Variants in RAD51B observed in about 807,000 individuals in gnomAD.
RAD51B encodes RAD51 paralog B, also known as DNA repair protein RAD51 homolog 2.
RAD51B carries 38 observed loss-of-function variants against 42.2 expected under a neutral mutation model. That is an observed-to-expected ratio of 0.90 (90% CI 0.70 to 1.18). The LOEUF is 1.18. Among genes scored for constraint, RAD51B ranks in the 50% most tolerant of loss-of-function variants. The pLI is 0.00. For synonymous variants in RAD51B, 154 were observed against 145.2 expected (o/e 1.06, Z -0.43); for missense variants, 373 against 400.7 (o/e 0.93, Z 0.59).
At chr14:67,898,350 C>T (rs779344904) in intron 7 of RAD51B, among the ~76,000 whole-genome samples, 3 of 152,150 alleles carry the variant, frequency 2.0e-5, no homozygotes, top group Non-Finnish European at 4.4e-5. Flanking sequence ...AATACATGAT[C>T]CCACTTTTAC....
chr14:68,361,244 T>C (rs1189252962), intron 8 of RAD51B, among the ~76,000 whole-genome samples: 1 of 152,212 alleles, frequency 6.6e-6, no homozygotes, highest in Non-Finnish European at 1.5e-5. Context: ...TTTGGGATAC[T>C]GTTTTCTGCG....
rs574693356 is a variant in RAD51B, at chr14:68,388,276, T to C, written c.854-23148T>C. On this transcript the variant is annotated intron_variant, in intron 8 of 10. Coordinates refer to ENST00000471583, the MANE Select transcript of RAD51B (RefSeq NM_133510.4). ...GCCCAGCTAATTTTTGTATTTTTACTACAGACGGGGTTTCTTTTGCTGTGT... is the reference window on the plus strand; with the variant it reads ...GCCCAGCTAATTTTTGTATTTTTACCACAGACGGGGTTTCTTTTGCTGTGT... Among the ~76,000 whole-genome samples the C allele has an allele frequency of 2.9e-3, 443 of 152,068 alleles. 2 individuals carry two copies. The highest frequency in any genetic ancestry group is 0.01 in the African/African-American group (416 of 41,454).
rs935001648 is a variant in RAD51B, at chr14:68,294,435, A to G, written c.853+2455A>G. 5.4e-4 allele frequency among the ~76,000 whole-genome samples: 83 copies of G among 152,334 alleles called. 1 individual carries two copies. The highest frequency in any genetic ancestry group is 2.8e-4 in the Non-Finnish European group (19 of 68,020). ...TAGCCATTCAAATATATTACAATGG[A>G]TGTTAAGTTCCTGTGATTTACACAC... On this transcript the variant is annotated intron_variant, in intron 8 of 10. Coordinates refer to ENST00000471583, the MANE Select transcript of RAD51B (RefSeq NM_133510.4).
chr14:68,507,577 A>G (rs1042166452), intron 10 of RAD51B, among the ~76,000 whole-genome samples: 2 of 152,178 alleles, frequency 1.3e-5, no homozygotes, highest in African/African-American at 4.8e-5. Flanking sequence ...TATGAGAAGA[A>G]ACTGCACTCT....
intron 10 of RAD51B, among the ~76,000 whole-genome samples, chr14:68,580,539 C>T (rs1473976020): frequency 6.6e-5 from 10 of 152,160 alleles, no homozygotes; most frequent in Admixed American, 6.5e-4. Context: ...GTGGAAGAGA[C>T]ATTGTTATAC....
chr14:68,291,852 GC>G, intron 7 of RAD51B, 31 bp from the exon 8 acceptor site: 6 of 1,523,330 alleles, frequency 3.9e-6, no homozygotes, highest in Non-Finnish European at 5.5e-6. Context: ...CTTCTCCCTT[GC>G]CCCCTACCCC....
chr14:68,079,375 T>C (rs1338392307), intron 7 of RAD51B, among the ~76,000 whole-genome samples: 1 of 152,210 alleles, frequency 6.6e-6, no homozygotes, highest in Non-Finnish European at 1.5e-5. Flanking sequence ...ATTGTTTCAT[T>C]GATTTGCATA....
chr14:68,121,779 T>C (rs1464337186), intron 7 of RAD51B, among the ~76,000 whole-genome samples: 2 of 152,118 alleles, frequency 1.3e-5, no homozygotes, highest in African/African-American at 2.4e-5. Flanking sequence ...AAAGAATTCA[T>C]AATGACAGAT....
Position 68,252,878 on chromosome 14 carries a change from C to T in RAD51B, c.757-39006C>T, listed in dbSNP as rs984122429. ...GGCAGATCACCTGAGGTCAGGAGTT[C>T]GAGACCAGCCTAGCCAACATGGCGA... On this transcript the variant is annotated intron_variant, in intron 7 of 10. Transcript: ENST00000471583. Among the ~76,000 whole-genome samples, 12 of 152,048 alleles carry T rather than the reference C, an allele frequency of 7.9e-5. No homozygotes were observed. The South Asian group carries it at 2.3e-3, about 29-fold the overall frequency.
Position 68,571,700 on chromosome 14 carries a change from C to T in RAD51B, c.1037-22785C>T, listed in dbSNP as rs961027750. Among the ~76,000 whole-genome samples, 4 of 152,258 alleles carry T rather than the reference C, an allele frequency of 2.6e-5. No individual in the cohort carries two copies. In the South Asian group the frequency reaches 6.2e-4, roughly 24 times the overall value. ...TGTTTATAGGCTTCAGGAAATAGGC[C>T]GTGGACACCTTTGAGGGGCCGTTAT... On this transcript the variant is annotated intron_variant, in intron 10 of 10. Coordinates refer to the RAD51B transcript ENST00000487270.
chr14:68,588,666 G>A (rs967907858), intron 10 of RAD51B, among the ~76,000 whole-genome samples: 4 of 152,164 alleles, frequency 2.6e-5, no homozygotes, highest in African/African-American at 7.2e-5. Flanking sequence ...GCTCCTTGGC[G>A]GTTCCCCACA....
At chr14:68,143,905 C>T (rs2078195887) in intron 7 of RAD51B, among the ~76,000 whole-genome samples, 1 of 152,118 alleles carries the variant, frequency 6.6e-6, no homozygotes, top group South Asian at 2.1e-4. Context: ...AATGTTAGAA[C>T]TGATGGCTTT....
At chr14:68,520,325 T>C (rs773980366) in intron 10 of RAD51B, among the ~76,000 whole-genome samples, 10 of 152,252 alleles carry the variant, frequency 6.6e-5, no homozygotes, top group Non-Finnish European at 1.5e-4. Flanking sequence ...GTAAAACTTA[T>C]GGGATTATAG....
At chr14:68,100,568 A>G (rs923231539) in intron 7 of RAD51B, among the ~76,000 whole-genome samples, 3 of 152,154 alleles carry the variant, frequency 2.0e-5, no homozygotes, top group African/African-American at 7.2e-5. Context: ...GTCAGGTAGT[A>G]CTTGACACCC....
chr14:68,465,136 G>A (rs577789734), intron 9 of RAD51B, among the ~76,000 whole-genome samples: 65 of 152,192 alleles, frequency 4.3e-4, no homozygotes, highest in African/African-American at 1.5e-3. Flanking sequence ...TAAAAATATA[G>A]CATGATACTT....
In RAD51B at chr14:68,657,692, T is replaced by A. The variant is rs117691809; in HGVS notation, c.*11+6836T>A. Among the ~76,000 whole-genome samples, 1,426 of 152,356 alleles carry A rather than the reference T, an allele frequency of 9.4e-3. 10 individuals carry two copies. The highest frequency in any genetic ancestry group is 0.014 in the Non-Finnish European group (943 of 68,026). ...TCCTATGTGTGTACTGAAGGAAGCC[T>A]GCAGGCAGGAAAAGGTTGTTTCTCC... On this transcript the variant is annotated intron_variant, in intron 11 of 11. Coordinates refer to the RAD51B transcript ENST00000488612.
chr14:68,304,177 A>C (rs1213415628), intron 8 of RAD51B, among the ~76,000 whole-genome samples: 2 of 151,926 alleles, frequency 1.3e-5, no homozygotes, highest in Non-Finnish European at 2.9e-5. Context: ...CTCAAAAAAA[A>C]AAAAAGGCAC....
intron 10 of RAD51B, among the ~76,000 whole-genome samples, chr14:68,640,199 C>T (rs775674641): frequency 1.4e-4 from 21 of 150,144 alleles, no homozygotes; most frequent in Non-Finnish European, 2.4e-4. Context: ...TTAGCTTTAC[C>T]TCCAAACACC....
At chr14:68,172,458 T>C (rs1158983430) in intron 7 of RAD51B, among the ~76,000 whole-genome samples, 1 of 152,200 alleles carries the variant, frequency 6.6e-6, no homozygotes, top group African/African-American at 2.4e-5. Context: ...TTAAGAGGCT[T>C]TCCTAAGTCA....
Sources: gnomAD v4.1 joint callset for allele counts (sites outside exome capture counted in the v4.1 genomes callset) on GRCh38, gnomAD v4.1.1 for gene constraint, MANE v1.5 for transcripts, NCBI Gene and HGNC (gene_info 2026-07-23, HGNC 2026-07-21) for gene names.